Variants in UNC5D observed in about 807,000 individuals in gnomAD.
The protein encoded by UNC5D is unc-5 netrin receptor D, also known as netrin receptor UNC5D.
Under a neutral mutation model 105.4 loss-of-function variants are expected in UNC5D, and 39 were observed. The observed-to-expected ratio is 0.37, with a 90% CI of 0.29 to 0.48. The LOEUF is 0.48. Ranked by LOEUF, UNC5D falls within the 20% of genes least tolerant of loss-of-function variation. The pLI is 0.98. For missense variants in UNC5D, 991 were observed against 1,202.4 expected (o/e 0.82, Z 2.60); for synonymous variants, 452 against 450.4 (o/e 1.00, Z -0.04).
At chr8:35,744,851 G>A (rs566181044) in intron 11 of UNC5D, among the ~76,000 whole-genome samples, 2 of 152,188 alleles carry the variant, frequency 1.3e-5, no homozygotes, top group Non-Finnish European at 2.9e-5. Flanking sequence ...TCAGGAGTTC[G>A]AGACCAGCCT....
intron 1 of UNC5D, among the ~76,000 whole-genome samples, chr8:35,396,907 TTTG>T: frequency 6.6e-6 from 1 of 151,358 alleles, no homozygotes; most frequent in Non-Finnish European, 1.5e-5. Context: ...GTTTGTTTGG[TTTG>T]TTTTTTGTTT....
intron 4 of UNC5D, among the ~76,000 whole-genome samples, chr8:35,599,480 T>A (rs1308618819): frequency 6.6e-6 from 1 of 152,188 alleles, no homozygotes; most frequent in African/African-American, 2.4e-5. Flanking sequence ...ATGAAAAATA[T>A]ATACAATTTG....
intron 1 of UNC5D, among the ~76,000 whole-genome samples, chr8:35,379,474 T>A (rs1369680157): frequency 6.6e-6 from 1 of 152,192 alleles, no homozygotes; most frequent in South Asian, 2.1e-4. Context: ...TTCTACCATA[T>A]CTAGAGATGC....
intron 4 of UNC5D, among the ~76,000 whole-genome samples, chr8:35,621,099 G>A (rs1821335000): frequency 6.6e-6 from 1 of 152,162 alleles, no homozygotes; most frequent in African/African-American, 2.4e-5. Flanking sequence ...AACCAAAAAT[G>A]TCAGCAGGCA....
At chr8:35,444,869 T>C (rs965721684) in intron 1 of UNC5D, among the ~76,000 whole-genome samples, 4 of 152,080 alleles carry the variant, frequency 2.6e-5, no homozygotes, top group African/African-American at 9.7e-5. Context: ...GTAATTTTGA[T>C]ATTTTAAAAG....
At chr8:35,424,782 C>T (rs1806133450) in intron 1 of UNC5D, among the ~76,000 whole-genome samples, 1 of 152,192 alleles carries the variant, frequency 6.6e-6, no homozygotes, top group African/African-American at 2.4e-5. Flanking sequence ...TTATTCTTAC[C>T]TTCTCCAATT....
chr8:35,355,091 A>G (rs980918233), intron 1 of UNC5D, among the ~76,000 whole-genome samples: 5 of 152,068 alleles, frequency 3.3e-5, no homozygotes, highest in Admixed American at 6.6e-5. Flanking sequence ...TCCATATTCT[A>G]TTGGTTAGTG....
At chr8:35,628,919 A>G (rs930144904) in intron 4 of UNC5D, among the ~76,000 whole-genome samples, 2 of 152,150 alleles carry the variant, frequency 1.3e-5, no homozygotes, top group African/African-American at 4.8e-5. Context: ...GGCTTATCCA[A>G]CCCCCTGATT....
At chr8:35,560,703 T>C (rs1816894904) in intron 2 of UNC5D, among the ~76,000 whole-genome samples, 1 of 142,106 alleles carries the variant, frequency 7.0e-6, no homozygotes, top group Non-Finnish European at 1.5e-5. Context: ...AGAGAGATAA[T>C]ATACCTTTTG....
chr8:35,533,372 C>T (rs1814559533), intron 1 of UNC5D, among the ~76,000 whole-genome samples: 1 of 152,004 alleles, frequency 6.6e-6, no homozygotes, highest in Non-Finnish European at 1.5e-5. Flanking sequence ...GGTCAGGGGT[C>T]AGGGACCCAC....
At chr8:35,658,713 G>A (rs1823929332) in intron 4 of UNC5D, among the ~76,000 whole-genome samples, 1 of 142,846 alleles carries the variant, frequency 7.0e-6, no homozygotes, top group African/African-American at 2.6e-5. Flanking sequence ...GTGCAGTGGC[G>A]CGACCTCGGC....
chr8:35,274,344 T>G (rs898054562), intron 1 of UNC5D, among the ~76,000 whole-genome samples: 19 of 152,200 alleles, frequency 1.2e-4, no homozygotes, highest in African/African-American at 4.3e-4. Flanking sequence ...ATTGCTTAAG[T>G]TCAGCATAGC....
chr8:35,273,996 TG>T (rs1205030745), intron 1 of UNC5D, among the ~76,000 whole-genome samples: 2 of 151,774 alleles, frequency 1.3e-5, no homozygotes, highest in African/African-American at 4.8e-5. Flanking sequence ...CAATTTATCG[TG>T]GTTTTTTTTT....
chr8:35,555,556 G>A (rs1187595192), intron 2 of UNC5D, among the ~76,000 whole-genome samples: 6 of 152,060 alleles, frequency 3.9e-5, no homozygotes, highest in East Asian at 1.9e-4. Context: ...GGCAGGGCAC[G>A]GTTGCTCATG....
intron 1 of UNC5D, among the ~76,000 whole-genome samples, chr8:35,515,735 C>T (rs896115782): frequency 5.3e-4 from 81 of 152,156 alleles, no homozygotes; most frequent in African/African-American, 1.9e-3. Flanking sequence ...GGGCGGCAAC[C>T]TTTTAAACTG....
chr8:35,777,619 C>T (rs986336188), intron 16 of UNC5D, among the ~76,000 whole-genome samples: 11 of 152,122 alleles, frequency 7.2e-5, no homozygotes, highest in Non-Finnish European at 1.3e-4. Context: ...TGGGATCTGT[C>T]ACAACTACTC....
At chr8:35,489,537 G>A (rs932763266) in intron 1 of UNC5D, among the ~76,000 whole-genome samples, 1 of 152,116 alleles carries the variant, frequency 6.6e-6, no homozygotes, top group Non-Finnish European at 1.5e-5. Flanking sequence ...GGGATGTGCA[G>A]ACACAGAGGA....
chr8:35,320,676 C>G (rs1255254430), intron 1 of UNC5D, among the ~76,000 whole-genome samples: 1 of 152,090 alleles, frequency 6.6e-6, no homozygotes, highest in African/African-American at 2.4e-5. Context: ...GTTTTGTCAG[C>G]CTTAAGATCT....
chr8:35,401,888 C>A (rs1272959076), intron 1 of UNC5D, among the ~76,000 whole-genome samples: 1 of 152,220 alleles, frequency 6.6e-6, no homozygotes, highest in Non-Finnish European at 1.5e-5. Context: ...ATACTGCCAT[C>A]TTTCCTGCTT....
Sources: gnomAD v4.1 joint callset for allele counts (sites outside exome capture counted in the v4.1 genomes callset) on GRCh38, gnomAD v4.1.1 for gene constraint, MANE v1.5 for transcripts, NCBI Gene and HGNC (gene_info 2026-07-23, HGNC 2026-07-21) for gene names.